DMRT3: variants seen among roughly 807,000 people sequenced by gnomAD.
The protein encoded by DMRT3 is doublesex- and mab-3-related transcription factor 3.
Under a neutral mutation model 34.9 loss-of-function variants are expected in DMRT3, and 29 were observed. That is an observed-to-expected ratio of 0.83 (90% CI 0.62 to 1.13). The LOEUF (loss-of-function observed/expected upper bound fraction) is 1.13. DMRT3 is among the 50% of genes most tolerant of loss of function. DMRT3 has a pLI of 0.00. For synonymous variants in DMRT3, 350 were observed against 286.0 expected (o/e 1.22, Z -2.26); for missense variants, 772 against 629.1 (o/e 1.23, Z -2.43).
chr9:986,582 C>T (rs1424227139), intron 1 of DMRT3, among the ~76,000 whole-genome samples: 2 of 152,052 alleles, frequency 1.3e-5, no homozygotes, highest in African/African-American at 2.4e-5. Context: ...CTATTTGGTT[C>T]ATATATTTCT....
At chr9:985,218 C>A (rs1820269090) in intron 1 of DMRT3, among the ~76,000 whole-genome samples, 1 of 152,132 alleles carries the variant, frequency 6.6e-6, no homozygotes, top group African/African-American at 2.4e-5. Context: ...CATATTGTAT[C>A]ACTTTCAGTA....
At chr9:984,839 A>ATT (rs954211815) in intron 1 of DMRT3, among the ~76,000 whole-genome samples, 5 of 150,074 alleles carry the variant, frequency 3.3e-5, no homozygotes, top group African/African-American at 9.8e-5. Flanking sequence ...GAAATAATAC[A>ATT]TTTTTTTTTT....
At chr9:979,192 T>G (rs551842848) in intron 1 of DMRT3, among the ~76,000 whole-genome samples, 2 of 152,274 alleles carry the variant, frequency 1.3e-5, no homozygotes, top group East Asian at 3.9e-4. Flanking sequence ...GAGTATTCTT[T>G]GGGATAGCTA....
chr9:979,302 A>T (rs1195770817), intron 1 of DMRT3, among the ~76,000 whole-genome samples: 3 of 152,226 alleles, frequency 2.0e-5, no homozygotes, highest in African/African-American at 4.8e-5. Context: ...CGGCAGCAGG[A>T]TACGTGCTTT....
chr9:979,640 A>G (rs279885), intron 1 of DMRT3, among the ~76,000 whole-genome samples: 85,365 of 151,682 alleles, frequency 0.56, 24,290 homozygotes, highest in Middle Eastern at 0.68. Flanking sequence ...TCTGATGGGG[A>G]GTGGGGAGAA....
chr9:982,357 C>G (rs998735263), intron 1 of DMRT3, among the ~76,000 whole-genome samples: 1 of 152,214 alleles, frequency 6.6e-6, no homozygotes, highest in South Asian at 2.1e-4. Context: ...CTACTGCCAT[C>G]TGGGAAAGAA....
rs770393933 is a variant in DMRT3 at position 990,848 on chromosome 9, G to T, written c.1262G>T (p.Ser421Ile). 1 of 1,614,106 alleles carries T rather than the reference G, an allele frequency of 6.2e-7. No individual in the cohort carries two copies. The highest frequency in any genetic ancestry group is 8.5e-7 in the Non-Finnish European group (1 of 1,180,004). ...FPSNSTSVFR[S>I]SPVLPARATE... Reference sequence around the variant, plus strand: ...AGTAACTCTACCAGCGTCTTCAGAAGCTCGCCCGTCCTTCCTGCCCGCGCC... The same window carrying T: ...AGTAACTCTACCAGCGTCTTCAGAATCTCGCCCGTCCTTCCTGCCCGCGCC... The change falls in exon 2 of 2, where the codon AGC becomes ATC. Residue 421 changes from serine to isoleucine, a missense_variant. Ser to Ile is a moderately radical substitution (Grantham distance 142). Coordinates refer to ENST00000190165, the MANE Select transcript of DMRT3 (RefSeq NM_021240.4).
Position 990,232 on chromosome 9 carries a change from A to G in DMRT3, c.646A>G (p.Ser216Gly). The change falls in exon 2 of 2, where the codon AGC (serine) becomes GGC (glycine). Residue 216 changes from serine (S) to glycine (G), a missense_variant. Transcript: ENST00000190165. ...AVQKNGGNPE[S>G]RPDSPKCHAE... is the part of the protein sequence containing the mutation. ...CCAGAAAAACGGAGGCAACCCCGAG[A>G]GCCGCCCTGACAGCCCCAAGTGTCA... The G allele has an allele frequency of 2.5e-6, 4 of 1,613,976 alleles. No individual in the cohort carries two copies. Among genetic ancestry groups the G allele is most frequent in the Non-Finnish European group, 3.4e-6 (4 of 1,180,014 alleles).
intron 1 of DMRT3, among the ~76,000 whole-genome samples, chr9:985,147 T>C (rs1340945967): frequency 6.6e-6 from 1 of 152,172 alleles, no homozygotes; most frequent in Admixed American, 6.5e-5. Context: ...CCATGAAATA[T>C]GAAATGGAAG....
chr9:990,845 G>A lies in DMRT3; in HGVS notation c.1259G>A (p.Arg420Lys), dbSNP rs1323194029. 6.2e-7 allele frequency: 1 copy of A among 1,614,022 alleles called. No individual in the cohort carries two copies. Among genetic ancestry groups the A allele is most frequent in the African/African-American group, 1.3e-5 (1 of 74,928 alleles). Residue 420 changes from arginine (R) to lysine (K), a missense_variant, in exon 2 of 2, where the codon AGA becomes AAA. Transcript: ENST00000190165. ...PFPSNSTSVF[R>K]SSPVLPARAT... is the part of the protein sequence containing the mutation. Reference sequence around the variant, plus strand: ...CCCAGTAACTCTACCAGCGTCTTCAGAAGCTCGCCCGTCCTTCCTGCCCGC... The same window carrying A: ...CCCAGTAACTCTACCAGCGTCTTCAAAAGCTCGCCCGTCCTTCCTGCCCGC...
At chr9:977,503 T>C (rs761189699) in intron 1 of DMRT3, 48 bp downstream of exon 1, 18 of 1,245,240 alleles carry the variant, frequency 1.4e-5, no homozygotes, top group Non-Finnish European at 1.8e-5. Context: ...GGGGGCAACT[T>C]CGGAGTGCCA....
intron 1 of DMRT3, 63 bp downstream of exon 1, chr9:977,518 C>T: frequency 8.2e-7 from 1 of 1,215,628 alleles, no homozygotes; most frequent in Non-Finnish European, 1.0e-6. Flanking sequence ...GTGCCAGCTG[C>T]AGCTCCACTT....
intron 1 of DMRT3, among the ~76,000 whole-genome samples, chr9:989,105 C>G (rs1383986881): frequency 6.6e-6 from 1 of 152,096 alleles, no homozygotes; most frequent in African/African-American, 2.4e-5. Context: ...CCTCCTTCTT[C>G]TTTTCATATA....
At chr9:977,871 G>A (rs566980235) in intron 1 of DMRT3, among the ~76,000 whole-genome samples, 1 of 146,032 alleles carries the variant, frequency 6.8e-6, no homozygotes, top group East Asian at 2.1e-4. Flanking sequence ...GCCATTTGGG[G>A]GTTGGAATGG....
chr9:988,688 G>A (rs1028696409), intron 1 of DMRT3, among the ~76,000 whole-genome samples: 2 of 152,168 alleles, frequency 1.3e-5, no homozygotes, highest in African/African-American at 4.8e-5. Flanking sequence ...CTGGCTATCT[G>A]TATATAATCA....
At chr9:986,620 T>A (rs1820287508) in intron 1 of DMRT3, among the ~76,000 whole-genome samples, 1 of 152,046 alleles carries the variant, frequency 6.6e-6, no homozygotes, top group Admixed American at 6.6e-5. Flanking sequence ...TGGCCGGGCG[T>A]GGTGGCTGAC....
chr9:979,148 C>G (rs772344475), intron 1 of DMRT3, among the ~76,000 whole-genome samples: 1 of 152,104 alleles, frequency 6.6e-6, no homozygotes, highest in Non-Finnish European at 1.5e-5. Flanking sequence ...TGGTTTTTAT[C>G]CAAGGAGATG....
At chr9:980,427 G>T (rs192446612) in intron 1 of DMRT3, among the ~76,000 whole-genome samples, 1 of 151,894 alleles carries the variant, frequency 6.6e-6, no homozygotes, top group East Asian at 1.9e-4. Context: ...TTTGAATGTA[G>T]ATTTCTCCTT....
intron 1 of DMRT3, among the ~76,000 whole-genome samples, chr9:984,692 C>T (rs1241387887): frequency 1.3e-5 from 2 of 152,062 alleles, no homozygotes; most frequent in African/African-American, 4.8e-5. Flanking sequence ...CTCCTGACCT[C>T]GTGATCCACC....
Sources: allele counts gnomAD v4.1 joint callset (sites outside exome capture counted in the v4.1 genomes callset), GRCh38; gene constraint gnomAD v4.1.1; transcripts MANE v1.5; gene names NCBI Gene and HGNC (gene_info 2026-07-23, HGNC 2026-07-21).